The following FRYL variants were observed in gnomAD, a reference collection of about 807,000 sequenced individuals.
FRYL encodes protein furry homolog-like.
FRYL carries 150 observed loss-of-function variants against 351.2 expected under a neutral mutation model. The observed-to-expected ratio is 0.43, with a 90% confidence interval of 0.37 to 0.49. The LOEUF (loss-of-function observed/expected upper bound fraction) is 0.49, where lower values mean the gene tolerates loss of function less well. FRYL is among the 20% of genes least tolerant of loss of function. FRYL has a pLI of 0.00. For synonymous variants in FRYL, 1,153 were observed against 1,257.1 expected (o/e 0.92, Z 1.75); for missense variants, 3,036 against 3,619.3 (o/e 0.84, Z 4.13).
chr4:48,769,071 T>C (rs1354227063), intron 1 of FRYL, among the ~76,000 whole-genome samples: 1 of 151,526 alleles, frequency 6.6e-6, no homozygotes, highest in Non-Finnish European at 1.5e-5. Context: ...GTGGTAGAGG[T>C]TGCAGTGAAC....
At chr4:48,741,638 G>T (rs74614049) in intron 1 of FRYL, among the ~76,000 whole-genome samples, 16 of 152,208 alleles carry the variant, frequency 1.1e-4, no homozygotes, top group Admixed American at 3.3e-4. Flanking sequence ...GGAGGTTGCA[G>T]TGAACCGAAA....
intron 61 of FRYL, among the ~76,000 whole-genome samples, chr4:48,502,416 G>C (rs1313553997): frequency 6.6e-6 from 1 of 151,954 alleles, no homozygotes; most frequent in Non-Finnish European, 1.5e-5. Flanking sequence ...ATGGTGGTGG[G>C]TGTATGTAAT....
At chr4:48,687,014 G>C (rs1765206351) in intron 2 of FRYL, among the ~76,000 whole-genome samples, 1 of 152,150 alleles carries the variant, frequency 6.6e-6, no homozygotes, top group African/African-American at 2.4e-5. Context: ...ACTTTTAGCA[G>C]GGCTGGATTG....
At chr4:48,510,507 G>A (rs1722243544) in intron 58 of FRYL, among the ~76,000 whole-genome samples, 1 of 152,104 alleles carries the variant, frequency 6.6e-6, no homozygotes. Flanking sequence ...AATGAACCAG[G>A]AGGCCTGGGT....
intron 3 of FRYL, among the ~76,000 whole-genome samples, chr4:48,650,390 T>C (rs1757376587): frequency 6.6e-6 from 1 of 151,954 alleles, no homozygotes; most frequent in Non-Finnish European, 1.5e-5. Context: ...ACCAATACCC[T>C]CCAGAAGCTT....
intron 4 of FRYL, among the ~76,000 whole-genome samples, chr4:48,629,145 A>C (rs1190283107): frequency 6.6e-6 from 1 of 151,962 alleles, no homozygotes; most frequent in African/African-American, 2.4e-5. Context: ...AATTCTACAT[A>C]TAGTGCATAT....
intron 33 of FRYL, among the ~76,000 whole-genome samples, chr4:48,560,424 A>G (rs115730180): frequency 0.018 from 2,713 of 152,300 alleles, 75 homozygotes; most frequent in African/African-American, 0.061. Flanking sequence ...GTCTGAAGAG[A>G]GAACTGAAGG....
intron 1 of FRYL, among the ~76,000 whole-genome samples, chr4:48,770,223 C>T (rs1049587317): frequency 1.3e-5 from 2 of 151,874 alleles, no homozygotes; most frequent in African/African-American, 4.8e-5. Context: ...CACAGGACTC[C>T]CTGTACTATT....
intron 2 of FRYL, among the ~76,000 whole-genome samples, chr4:48,691,628 T>C (rs1360580590): frequency 1.3e-5 from 2 of 152,168 alleles, no homozygotes; most frequent in African/African-American, 2.4e-5. Context: ...ACACAGTAAG[T>C]ACTCAATAAT....
At chr4:48,506,935 A>ACAGCTGATGGCAGC (rs1721190672) in intron 59 of FRYL, among the ~76,000 whole-genome samples, 1 of 152,068 alleles carries the variant, frequency 6.6e-6, no homozygotes, top group Non-Finnish European at 1.5e-5. Flanking sequence ...CTAGTGAGAT[A>ACAGCTGATGGCAGC]CAGCTGATGG....
intron 3 of FRYL, among the ~76,000 whole-genome samples, chr4:48,639,790 TA>T (rs1754980912): frequency 6.6e-6 from 1 of 151,970 alleles, no homozygotes; most frequent in Non-Finnish European, 1.5e-5. Context: ...ACAAAATACA[TA>T]AAGAACTCTT....
Position 48,557,475 on chromosome 4 carries a change from T to C in FRYL, c.4103A>G (p.Asn1368Ser), listed in dbSNP as rs780083855. The C allele has an allele frequency of 1.5e-5, 24 of 1,614,074 alleles. No individual in the cohort carries two copies. Among genetic ancestry groups the C allele is most frequent in the Admixed American group, 5.0e-5 (3 of 60,006 alleles). The change falls in exon 34 of 64, where the codon AAT becomes AGT. Residue 1368 changes from asparagine to serine, a missense_variant. Physicochemically the swap from Asn to Ser is conservative, Grantham distance 46 (BLOSUM62 1). This residue lies in a region of FRYL where 1,987 missense variants were observed against 2,311.7 expected (regional missense o/e 0.86). Transcript: ENST00000358350. Reference protein sequence around the residue: ...SPQATAMVLNNLMYMTAKYGD... With the variant: ...SPQATAMVLNSLMYMTAKYGD... ...TACCTTTGCTGTCATATACATCAGA[T>C]TGTTCAAAACCATTGCAGTGGCTTG...
chr4:48,714,724 A>C (rs1402556182), intron 1 of FRYL, among the ~76,000 whole-genome samples: 2 of 151,000 alleles, frequency 1.3e-5, no homozygotes, highest in African/African-American at 2.4e-5. Context: ...TCCTTCTGAA[A>C]CTATTCCAAT....
chr4:48,520,832 A>G (rs1298931011), intron 55 of FRYL: 4 of 444,816 alleles, frequency 9.0e-6, no homozygotes, highest in Non-Finnish European at 1.6e-5. Flanking sequence ...CTGCTCATTA[A>G]AAACACTCAA....
At position 48,540,419 on chromosome 4, in the gene FRYL, C is replaced by T. The variant is rs778405651; in HGVS notation, c.6229G>A (p.Val2077Met). ...GAAATGAGTTTACTGAGGAGGTGCA[C>T]GGTCATTTCTTGTGTAGATGCTGAG... ...FTSASTQEMT[V>M]HLLSKLISVS... Residue 2077 changes from valine (V) to methionine (M), a missense_variant, in exon 46 of 64, where the codon GTG becomes ATG. Val to Met is a conservative substitution (Grantham distance 21). Coordinates refer to ENST00000358350, the MANE Select transcript of FRYL (RefSeq NM_015030.2). The T allele has an allele frequency of 9.3e-6, 15 of 1,613,484 alleles. No individual in the cohort carries two copies. The highest frequency in any genetic ancestry group is 4.5e-5 in the East Asian group (2 of 44,886).
intron 19 of FRYL, among the ~76,000 whole-genome samples, chr4:48,584,822 C>A (rs753862366): frequency 6.6e-6 from 1 of 152,066 alleles, no homozygotes; most frequent in African/African-American, 2.4e-5. Flanking sequence ...TGTTTGCTTC[C>A]TTTATGGTAA....
intron 49 of FRYL, among the ~76,000 whole-genome samples, chr4:48,534,295 T>C (rs1412951080): frequency 2.0e-5 from 3 of 152,204 alleles, no homozygotes; most frequent in African/African-American, 4.8e-5. Context: ...GCAATGTGTA[T>C]ATGCATTCCT....
rs1351791597 is a variant in FRYL, at chr4:48,510,120, C to T, written c.8333G>A (p.Gly2778Asp). The T allele has an allele frequency of 1.2e-6, 2 of 1,613,710 alleles. No homozygotes were observed. The highest frequency in any genetic ancestry group is 2.2e-5 in the South Asian group (2 of 91,076). ...SCGLLETLKFGVLELQEHLDT... is the reference protein window; with the variant it reads ...SCGLLETLKFDVLELQEHLDT... ...CAGGTGTTCTTGCAACTCCAAAACACCAAACTTGAGTGTTTCCAGCAAACC... is the reference window on the plus strand; with the variant it reads ...CAGGTGTTCTTGCAACTCCAAAACATCAAACTTGAGTGTTTCCAGCAAACC... The change falls in exon 59 of 64, where the codon GGT becomes GAT. Residue 2778 changes from glycine (G) to aspartate (D), a missense_variant. Gly to Asp is a moderately conservative substitution (Grantham distance 94). Around this residue, in one of 7 missense-constraint regions of FRYL, gnomAD observed 1,987 missense variants for 2,311.7 expected, o/e 0.86. Transcript: ENST00000358350.
At chr4:48,779,787 C>A (rs1034112816) in intron 1 of FRYL, among the ~76,000 whole-genome samples, 8 of 151,842 alleles carry the variant, frequency 5.3e-5, no homozygotes, top group Non-Finnish European at 1.0e-4. Context: ...GCGGGAGAGA[C>A]GGGCGCGCGG....
Sources: gnomAD v4.1 joint callset for allele counts (sites outside exome capture counted in the v4.1 genomes callset) on GRCh38, gnomAD v4.1.1 for gene constraint, gnomAD v4.1.1 regional missense constraint, MANE v1.5 for transcripts, NCBI Gene and HGNC (gene_info 2026-07-23, HGNC 2026-07-21) for gene names.